Variants in DENND1A observed in about 807,000 individuals in gnomAD.
The protein encoded by DENND1A is DENN domain-containing protein 1A.
In DENND1A, 51 loss-of-function variants were observed where a neutral mutation model predicts 113.7. That is an observed-to-expected ratio of 0.45 (90% confidence interval 0.36 to 0.57). The LOEUF is 0.57. Among genes scored for constraint, DENND1A ranks in the 20% least tolerant of loss-of-function variants. The pLI is 0.00. For synonymous variants in DENND1A, 565 were observed against 570.8 expected (o/e 0.99, Z 0.14); for missense variants, 1,258 against 1,395.9 (o/e 0.90, Z 1.57).
intron 11 of DENND1A, among the ~76,000 whole-genome samples, chr9:123,602,960 C>T (rs1007382934): frequency 6.6e-6 from 1 of 152,238 alleles, no homozygotes; most frequent in Non-Finnish European, 1.5e-5. Flanking sequence ...TGGAACATCT[C>T]TGTTCTTGTG....
intron 11 of DENND1A, among the ~76,000 whole-genome samples, chr9:123,601,265 C>G (rs149162312): frequency 1.3e-5 from 2 of 152,322 alleles, no homozygotes; most frequent in African/African-American, 4.8e-5. Context: ...AGATACTTAA[C>G]TCAGCCAGAA....
intron 2 of DENND1A, among the ~76,000 whole-genome samples, chr9:123,794,684 T>C (rs184559586): frequency 6.6e-6 from 1 of 152,320 alleles, no homozygotes; most frequent in Admixed American, 6.5e-5. Flanking sequence ...TTTTTAAAAA[T>C]ACCATTCTTA....
intron 5 of DENND1A, among the ~76,000 whole-genome samples, chr9:123,741,325 T>C (rs1364715761): frequency 6.6e-6 from 1 of 152,230 alleles, no homozygotes; most frequent in East Asian, 1.9e-4. Context: ...TGAACGGATA[T>C]GATCGGATAT....
chr9:123,782,001 C>T (rs1350948442), intron 3 of DENND1A, among the ~76,000 whole-genome samples: 1 of 151,920 alleles, frequency 6.6e-6, no homozygotes, highest in African/African-American at 2.4e-5. Context: ...ACCTGGGAGA[C>T]AGAGGTTGCA....
In DENND1A at chr9:123,530,590, C is replaced by A. The variant is rs75478151; in HGVS notation, c.993+26980G>T. ...ATAGTGAACATGGATGTTGACTGTACAACTAACTACTGTCAATATTTTGTT... is the reference window on the plus strand; with the variant it reads ...ATAGTGAACATGGATGTTGACTGTAAAACTAACTACTGTCAATATTTTGTT... On this transcript the variant is annotated intron_variant, in intron 13 of 23. Coordinates refer to ENST00000394215, the MANE Select transcript of DENND1A (RefSeq NM_001352964.2). Among the ~76,000 whole-genome samples the A allele has an allele frequency of 4.3e-4, 66 of 152,202 alleles. No homozygotes were observed. In the East Asian group the frequency reaches 0.012, roughly 28 times the overall value.
chr9:123,761,778 T>TTTA, intron 4 of DENND1A, among the ~76,000 whole-genome samples: 1 of 152,216 alleles, frequency 6.6e-6, no homozygotes, highest in East Asian at 1.9e-4. Flanking sequence ...CTTAAAAGGG[T>TTTA]TCTGAATCTC....
chr9:123,424,322 G>A (rs2045548514), intron 19 of DENND1A, among the ~76,000 whole-genome samples: 1 of 152,162 alleles, frequency 6.6e-6, no homozygotes, highest in Admixed American at 6.5e-5. Context: ...AACACAGCCT[G>A]TGTCCAGCCC....
At chr9:123,688,512 T>A (rs77023430) in intron 5 of DENND1A, among the ~76,000 whole-genome samples, 2,610 of 152,218 alleles carry the variant, frequency 0.017, 64 homozygotes, top group African/African-American at 0.058. Context: ...CATCATGGCA[T>A]TAGGAATGAT....
intron 7 of DENND1A, among the ~76,000 whole-genome samples, chr9:123,668,774 A>G (rs1006195250): frequency 6.6e-6 from 1 of 152,250 alleles, no homozygotes; most frequent in Non-Finnish European, 1.5e-5. Context: ...TGTATATCAA[A>G]ATACTACCTA....
intron 20 of DENND1A, among the ~76,000 whole-genome samples, chr9:123,408,633 C>G (rs928547634): frequency 2.6e-5 from 4 of 152,146 alleles, no homozygotes; most frequent in Non-Finnish European, 4.4e-5. Context: ...GGCATCCTGC[C>G]TCTTCAGCAT....
At chr9:123,875,464 T>C (rs1379099325) in intron 2 of DENND1A, among the ~76,000 whole-genome samples, 1 of 152,228 alleles carries the variant, frequency 6.6e-6, no homozygotes, top group African/African-American at 2.4e-5. Context: ...CCTTTACAAC[T>C]GACTAGAAGG....
At chr9:123,722,484 C>A (rs2067410660) in intron 5 of DENND1A, among the ~76,000 whole-genome samples, 1 of 152,126 alleles carries the variant, frequency 6.6e-6, no homozygotes, top group South Asian at 2.1e-4. Context: ...ATGTCAGAGA[C>A]CTTTGCGACA....
intron 2 of DENND1A, among the ~76,000 whole-genome samples, chr9:123,838,643 CCAAT>C (rs1841395361): frequency 6.6e-6 from 1 of 152,098 alleles, no homozygotes; most frequent in African/African-American, 2.4e-5. Flanking sequence ...GATATGTTGG[CCAAT>C]CAATCATTCA....
chr9:123,799,001 C>G (rs1834195553), intron 2 of DENND1A, among the ~76,000 whole-genome samples: 1 of 151,900 alleles, frequency 6.6e-6, no homozygotes, highest in Non-Finnish European at 1.5e-5. Context: ...AATGAGTAAC[C>G]TGAAGTGTCA....
At chr9:123,814,403 A>ATTAT (rs1464191122) in intron 2 of DENND1A, among the ~76,000 whole-genome samples, 1 of 152,148 alleles carries the variant, frequency 6.6e-6, no homozygotes, top group East Asian at 1.9e-4. Flanking sequence ...CTGCTGTATA[A>ATTAT]TTATCTTTCA....
intron 13 of DENND1A, among the ~76,000 whole-genome samples, chr9:123,508,946 C>A (rs1470847480): frequency 6.6e-6 from 1 of 151,992 alleles, no homozygotes. Flanking sequence ...TATTTAAATA[C>A]AAAATAAAAT....
intron 13 of DENND1A, among the ~76,000 whole-genome samples, chr9:123,519,434 T>C (rs1235119145): frequency 8.2e-6 from 1 of 122,402 alleles, no homozygotes; most frequent in Non-Finnish European, 1.8e-5. Flanking sequence ...GGTCCTCATA[T>C]CTTTTTAAAT....
chr9:123,524,469 G>A (rs2054646649), intron 13 of DENND1A, among the ~76,000 whole-genome samples: 2 of 152,310 alleles, frequency 1.3e-5, no homozygotes, highest in South Asian at 2.1e-4. Context: ...GCGGCAGGGT[G>A]TAAGACAACA....
chr9:123,798,072 T>C (rs1208842716), intron 2 of DENND1A, among the ~76,000 whole-genome samples: 2 of 152,150 alleles, frequency 1.3e-5, no homozygotes, highest in Admixed American at 6.5e-5. Context: ...CTGTAAGACA[T>C]AAAAACTTTA....
Sources: allele counts gnomAD v4.1 joint callset (sites outside exome capture counted in the v4.1 genomes callset), GRCh38; gene constraint gnomAD v4.1.1; transcripts MANE v1.5; gene names NCBI Gene and HGNC (gene_info 2026-07-23, HGNC 2026-07-21).